Variants in ENTREP2 observed in about 807,000 individuals in gnomAD.
ENTREP2 encodes the protein endosomal transmembrane epsin interactor 2, also known as protein ENTREP2.
At chr15:29,202,702 T>TTC in the ENTREP2 span, among the ~76,000 whole-genome samples, 1 of 152,184 alleles carries the variant, frequency 6.6e-6, no homozygotes, top group African/African-American at 2.4e-5. Context: ...GTTCTCACTG[T>TTC]TCTACTCCTA....
the ENTREP2 span, chr15:29,126,439 A>C: frequency 6.5e-7 from 1 of 1,549,990 alleles, no homozygotes; most frequent in Non-Finnish European, 8.7e-7. Context: ...ATGGGCTGGA[A>C]CCTGGCGTAG....
the ENTREP2 span, among the ~76,000 whole-genome samples, chr15:29,437,643 CA>C: frequency 2.0e-5 from 3 of 152,310 alleles, no homozygotes; most frequent in East Asian, 3.9e-4. Context: ...AACAGTGTCT[CA>C]GCAGTTCATT....
chr15:29,562,993 C>T, the ENTREP2 span, among the ~76,000 whole-genome samples: 1 of 152,002 alleles, frequency 6.6e-6, no homozygotes, highest in Non-Finnish European at 1.5e-5. Context: ...GGTTTTGCCA[C>T]GTTGTCCAGG....
chr15:29,531,483 G>A, the ENTREP2 span, among the ~76,000 whole-genome samples: 1 of 152,162 alleles, frequency 6.6e-6, no homozygotes, highest in African/African-American at 2.4e-5. Context: ...AAACTGGGCA[G>A]AACATGAAGG....
the ENTREP2 span, among the ~76,000 whole-genome samples, chr15:29,157,369 C>T: frequency 6.6e-6 from 1 of 152,180 alleles, no homozygotes; most frequent in Admixed American, 6.5e-5. Context: ...GGCCTGGGGG[C>T]CTCCGCAGGC....
the ENTREP2 span, among the ~76,000 whole-genome samples, chr15:29,594,516 A>G: frequency 6.6e-6 from 1 of 152,128 alleles, no homozygotes; most frequent in Non-Finnish European, 1.5e-5. Flanking sequence ...ATTAAACTAT[A>G]AGAATCGATG....
chr15:29,510,730 C>T, the ENTREP2 span, among the ~76,000 whole-genome samples: 4 of 151,222 alleles, frequency 2.6e-5, no homozygotes, highest in African/African-American at 9.7e-5. Context: ...TGGCGTGAAC[C>T]CGGGAAGTGG....
At chr15:29,433,805 A>G in the ENTREP2 span, among the ~76,000 whole-genome samples, 9 of 147,298 alleles carry the variant, frequency 6.1e-5, no homozygotes, top group African/African-American at 1.7e-4. Flanking sequence ...AAAAACAGCT[A>G]CCTTCTGGCC....
At chr15:29,375,066 A>C in the ENTREP2 span, 1 of 152,208 alleles carries the variant, frequency 6.6e-6, no homozygotes, top group African/African-American at 2.4e-5. Flanking sequence ...GAACGTTCTC[A>C]AACTTTGCTC....
the ENTREP2 span, among the ~76,000 whole-genome samples, chr15:29,643,895 C>A: frequency 6.6e-6 from 1 of 152,138 alleles, no homozygotes; most frequent in East Asian, 1.9e-4. Flanking sequence ...ACTGGCCATT[C>A]CTCAAATGGT....
At chr15:29,208,290 T>C in the ENTREP2 span, among the ~76,000 whole-genome samples, 6 of 151,904 alleles carry the variant, frequency 3.9e-5, no homozygotes, top group Non-Finnish European at 7.4e-5. Flanking sequence ...TATAAGTAGA[T>C]AGGGCCAAAA....
At chr15:29,200,278 C>T in the ENTREP2 span, among the ~76,000 whole-genome samples, 14 of 152,224 alleles carry the variant, frequency 9.2e-5, no homozygotes, top group African/African-American at 2.6e-4. Flanking sequence ...CGGGTTCAAG[C>T]GATTCTCATG....
At chr15:29,253,851 A>G in the ENTREP2 span, among the ~76,000 whole-genome samples, 1 of 152,050 alleles carries the variant, frequency 6.6e-6, no homozygotes. Context: ...TTTTTTCTTT[A>G]TGAATAAGAA....
chr15:29,560,200 G>C, the ENTREP2 span, among the ~76,000 whole-genome samples: 1 of 152,182 alleles, frequency 6.6e-6, no homozygotes, highest in Admixed American at 6.5e-5. Context: ...CTGGTGTCTG[G>C]TTGGAGGAAC....
chr15:29,550,990 C>T, the ENTREP2 span, among the ~76,000 whole-genome samples: 3 of 152,270 alleles, frequency 2.0e-5, no homozygotes, highest in East Asian at 3.9e-4. Flanking sequence ...TGGCCTGACA[C>T]GTTATCCACC....
At chr15:29,614,924 A>C in the ENTREP2 span, among the ~76,000 whole-genome samples, 1 of 152,204 alleles carries the variant, frequency 6.6e-6, no homozygotes, top group Admixed American at 6.5e-5. Context: ...AAAAAAAAGA[A>C]AGAAGTTACT....
chr15:29,145,592 C>T, the ENTREP2 span, among the ~76,000 whole-genome samples: 17 of 129,850 alleles, frequency 1.3e-4, no homozygotes, highest in African/African-American at 4.3e-4. Flanking sequence ...CACTGCACTC[C>T]AGCCTGGGCG....
the ENTREP2 span, among the ~76,000 whole-genome samples, chr15:29,552,593 C>T: frequency 6.6e-6 from 1 of 151,196 alleles, no homozygotes; most frequent in Non-Finnish European, 1.5e-5. Flanking sequence ...TAACAAAAAA[C>T]GAGGAAAATT....
the ENTREP2 span, among the ~76,000 whole-genome samples, chr15:29,519,635 G>A: frequency 6.6e-6 from 1 of 152,140 alleles, no homozygotes; most frequent in African/African-American, 2.4e-5. Context: ...GTGTTTATTA[G>A]TAAGGCTTCC....
Sources: allele counts gnomAD v4.1 joint callset (sites outside exome capture counted in the v4.1 genomes callset), GRCh38; gene constraint gnomAD v4.1.1; transcripts MANE v1.5; gene names NCBI Gene and HGNC (gene_info 2026-07-23, HGNC 2026-07-21).